Variants in SDC2 observed in about 807,000 individuals in gnomAD.
SDC2 encodes the protein syndecan-2.
A neutral mutation model predicts 22.2 loss-of-function variants in SDC2; 13 were observed. The ratio of observed to expected loss-of-function variants is 0.59; its 90% CI spans 0.38 to 0.93. SDC2 has a LOEUF of 0.93. Ranked by LOEUF, SDC2 falls within the 40% of genes least tolerant of loss-of-function variation. The pLI is 0.00. For synonymous variants in SDC2, 94 were observed against 92.8 expected (o/e 1.01, Z -0.07); for missense variants, 235 against 246.8 (o/e 0.95, Z 0.32).
intron 1 of SDC2, among the ~76,000 whole-genome samples, chr8:96,513,949 C>T (rs1413452985): frequency 1.3e-5 from 2 of 152,336 alleles, no homozygotes; most frequent in South Asian, 2.1e-4. Flanking sequence ...TTATAGCTTC[C>T]TTCTAACCTT....
chr8:96,597,334 C>G (rs542349383), intron 2 of SDC2, among the ~76,000 whole-genome samples: 1 of 152,296 alleles, frequency 6.6e-6, no homozygotes, highest in South Asian at 2.1e-4. Context: ...GGCATGGGAG[C>G]TCTCCAGTGA....
intron 1 of SDC2, among the ~76,000 whole-genome samples, chr8:96,576,416 CTT>C (rs71267268): frequency 4.3e-4 from 6 of 13,812 alleles, no homozygotes; most frequent in African/African-American, 1.1e-3. Flanking sequence ...TTATTATTCT[CTT>C]TTTTTTTTTT....
chr8:96,528,058 C>T (rs893422228), intron 1 of SDC2, among the ~76,000 whole-genome samples: 7 of 100,984 alleles, frequency 6.9e-5, no homozygotes, highest in African/African-American at 2.7e-4. Context: ...CTTTTTTTAG[C>T]GTATGGAATA....
intron 1 of SDC2, among the ~76,000 whole-genome samples, chr8:96,560,682 A>T (rs1157468756): frequency 6.6e-6 from 1 of 152,170 alleles, no homozygotes; most frequent in Non-Finnish European, 1.5e-5. Flanking sequence ...TGGATCATTA[A>T]ACCCTTTGAG....
chr8:96,590,520 G>A (rs900805759), intron 1 of SDC2, among the ~76,000 whole-genome samples: 7 of 152,128 alleles, frequency 4.6e-5, no homozygotes, highest in Admixed American at 4.6e-4. Context: ...TTGTCCCAAG[G>A]GAATATTGGT....
chr8:96,556,011 G>A (rs565781106), intron 1 of SDC2, among the ~76,000 whole-genome samples: 11 of 151,396 alleles, frequency 7.3e-5, no homozygotes, highest in Admixed American at 2.6e-4. Context: ...AATGTAGTTC[G>A]TTTGGAATGA....
chr8:96,602,275 A>G (rs1815000780), intron 2 of SDC2, 120 bp from the exon 3 acceptor site: 2 of 1,042,054 alleles, frequency 1.9e-6, no homozygotes, highest in East Asian at 2.4e-5. Flanking sequence ...GAAGTCTTAA[A>G]GAGCCAGCAT....
At chr8:96,559,037 G>A (rs532522719) in intron 1 of SDC2, among the ~76,000 whole-genome samples, 1 of 152,120 alleles carries the variant, frequency 6.6e-6, no homozygotes, top group Non-Finnish European at 1.5e-5. Flanking sequence ...TAATGTAATT[G>A]GTGAGTAATT....
At chr8:96,547,192 A>G (rs895847184) in intron 1 of SDC2, among the ~76,000 whole-genome samples, 1 of 152,106 alleles carries the variant, frequency 6.6e-6, no homozygotes, top group East Asian at 1.9e-4. Context: ...TTTTTAATTT[A>G]TTGTTATTTT....
chr8:96,506,181 T>C (rs754975949), intron 1 of SDC2, among the ~76,000 whole-genome samples: 2 of 152,230 alleles, frequency 1.3e-5, no homozygotes, highest in Non-Finnish European at 2.9e-5. Context: ...TTTCATATGT[T>C]TCTCTTTTTC....
intron 1 of SDC2, among the ~76,000 whole-genome samples, chr8:96,518,335 T>C (rs1012745882): frequency 6.6e-6 from 1 of 151,090 alleles, no homozygotes; most frequent in African/African-American, 2.4e-5. Context: ...GTGGACCTAG[T>C]TGGAGAGACT....
chr8:96,552,403 C>T (rs1814041989), intron 1 of SDC2, among the ~76,000 whole-genome samples: 1 of 152,136 alleles, frequency 6.6e-6, no homozygotes, highest in African/African-American at 2.4e-5. Flanking sequence ...GTAAATCGTG[C>T]TGTGTTGTTA....
rs998565123 is a variant in SDC2, at chr8:96,534,876, A to G, written c.60+40545A>G. Among the ~76,000 whole-genome samples the G allele has an allele frequency of 3.9e-5, 6 of 152,130 alleles. No individual in the cohort carries two copies. In the South Asian group the frequency reaches 6.2e-4, roughly 16 times the overall value. On this transcript the variant is annotated intron_variant, in intron 1 of 4. Coordinates refer to ENST00000302190, the MANE Select transcript of SDC2 (RefSeq NM_002998.4). ...ATCTTTGCTACCCTTGCTCACCATT[A>G]CAATTCAAAGCCTCACTGTTCTTGC... is the stretch of plus-strand genomic sequence containing the variant.
intron 1 of SDC2, among the ~76,000 whole-genome samples, chr8:96,584,087 T>A (rs1814641727): frequency 6.6e-6 from 1 of 152,260 alleles, no homozygotes; most frequent in Admixed American, 6.5e-5. Context: ...TTTCTGTTAG[T>A]TGGCATCTTT....
chr8:96,513,671 G>T (rs903528205), intron 1 of SDC2, among the ~76,000 whole-genome samples: 2 of 152,178 alleles, frequency 1.3e-5, no homozygotes, highest in Admixed American at 6.5e-5. Context: ...GCATGAGAAA[G>T]ATGTAACGTC....
chr8:96,571,776 A>T (rs543763440), intron 1 of SDC2, among the ~76,000 whole-genome samples: 1 of 152,336 alleles, frequency 6.6e-6, no homozygotes, highest in Admixed American at 6.5e-5. Context: ...AATCCTGAAG[A>T]CAGTACCTTG....
intron 1 of SDC2, among the ~76,000 whole-genome samples, chr8:96,588,985 CAA>C (rs1814731516): frequency 6.6e-6 from 1 of 152,222 alleles, no homozygotes; most frequent in Non-Finnish European, 1.5e-5. Flanking sequence ...TGCTATCCTA[CAA>C]ATTGTCTTCG....
At chr8:96,606,465 AAT>A (rs1815082028) in intron 3 of SDC2, among the ~76,000 whole-genome samples, 1 of 152,206 alleles carries the variant, frequency 6.6e-6, no homozygotes, top group Non-Finnish European at 1.5e-5. Context: ...GGACTTCTCT[AAT>A]CCACTGGTTC....
intron 1 of SDC2, among the ~76,000 whole-genome samples, chr8:96,542,808 T>C (rs982452567): frequency 6.6e-5 from 10 of 152,192 alleles, no homozygotes; most frequent in African/African-American, 2.2e-4. Context: ...TCCAGCATGA[T>C]AGTTCTAAGT....
Sources: allele counts gnomAD v4.1 joint callset (sites outside exome capture counted in the v4.1 genomes callset), GRCh38; gene constraint gnomAD v4.1.1; transcripts MANE v1.5; gene names NCBI Gene and HGNC (gene_info 2026-07-23, HGNC 2026-07-21).